TENM2: variants seen among roughly 807,000 people sequenced by gnomAD.
TENM2 encodes teneurin transmembrane protein 2.
In TENM2, 52 loss-of-function variants were observed where a neutral mutation model predicts 245.2. That is an observed-to-expected ratio of 0.21 (90% CI 0.17 to 0.27). The LOEUF (loss-of-function observed/expected upper bound fraction) is 0.27, where lower values mean the gene tolerates loss of function less well. Ranked by LOEUF, TENM2 falls within the 10% of genes least tolerant of loss-of-function variation. The pLI is 1.00. For synonymous variants in TENM2, 1,363 were observed against 1,438.9 expected (o/e 0.95, Z 1.19); for missense variants, 3,046 against 3,666.8 (o/e 0.83, Z 4.37).
At chr5:167,485,258 A>T (rs1767986209) in intron 2 of TENM2, among the ~76,000 whole-genome samples, 1 of 152,206 alleles carries the variant, frequency 6.6e-6, no homozygotes, top group Admixed American at 6.5e-5. Context: ...AGGCTCTAGA[A>T]GCCTCCAGAT....
At chr5:167,414,159 G>A (rs1451722760) in intron 2 of TENM2, among the ~76,000 whole-genome samples, 1 of 152,038 alleles carries the variant, frequency 6.6e-6, no homozygotes, top group Admixed American at 6.6e-5. Flanking sequence ...TTTTAACAGA[G>A]GAAAGATTCA....
chr5:167,221,520 G>T, the TENM2 span, among the ~76,000 whole-genome samples: 2 of 152,244 alleles, frequency 1.3e-5, no homozygotes, highest in South Asian at 4.2e-4. Flanking sequence ...TGACAGTTTA[G>T]TTTTTTTCTT....
At chr5:166,979,231 C>A in the TENM2 span, among the ~76,000 whole-genome samples, 6 of 151,896 alleles carry the variant, frequency 4.0e-5, no homozygotes, top group African/African-American at 1.5e-4. Context: ...GCAGCAGCAG[C>A]AGCAGCCGCC....
chr5:167,917,514 A>T (rs1777042747), intron 3 of TENM2, among the ~76,000 whole-genome samples: 1 of 152,156 alleles, frequency 6.6e-6, no homozygotes, highest in Non-Finnish European at 1.5e-5. Context: ...AGTAGGAGCA[A>T]GGGTACGTAA....
At chr5:168,086,746 C>T (rs552789270) in intron 7 of TENM2, among the ~76,000 whole-genome samples, 1 of 152,324 alleles carries the variant, frequency 6.6e-6, no homozygotes, top group Non-Finnish European at 1.5e-5. Flanking sequence ...ATCCCCATGT[C>T]CCGAATTGAT....
chr5:167,307,526 G>T (rs1755751269), intron 1 of TENM2, among the ~76,000 whole-genome samples: 1 of 152,024 alleles, frequency 6.6e-6, no homozygotes, highest in Non-Finnish European at 1.5e-5. Flanking sequence ...CAAACCTTTA[G>T]GGACCATCTG....
chr5:168,066,014 G>C (rs1207333115), intron 7 of TENM2, among the ~76,000 whole-genome samples: 1 of 152,116 alleles, frequency 6.6e-6, no homozygotes, highest in African/African-American at 2.4e-5. Flanking sequence ...GTGGATAGAG[G>C]CCAAGGATGC....
chr5:167,706,176 T>C (rs1758507279), intron 2 of TENM2, among the ~76,000 whole-genome samples: 1 of 146,082 alleles, frequency 6.8e-6, no homozygotes, highest in South Asian at 2.1e-4. Context: ...TACTATATAT[T>C]ATGCATAGTA....
intron 1 of TENM2, among the ~76,000 whole-genome samples, chr5:167,297,064 T>C (rs1484701548): frequency 6.6e-6 from 1 of 152,206 alleles, no homozygotes; most frequent in African/African-American, 2.4e-5. Flanking sequence ...ACCAAATCTT[T>C]ATATAAATAA....
At chr5:167,473,815 T>G (rs548150535) in intron 2 of TENM2, among the ~76,000 whole-genome samples, 11 of 152,000 alleles carry the variant, frequency 7.2e-5, no homozygotes, top group Admixed American at 2.6e-4. Flanking sequence ...TATGGATTGA[T>G]GTGAGAATTT....
chr5:167,884,735 T>C (rs1217335729), intron 3 of TENM2, among the ~76,000 whole-genome samples: 2 of 152,230 alleles, frequency 1.3e-5, no homozygotes, highest in African/African-American at 2.4e-5. Context: ...AAATAATTGT[T>C]TGAGCACTTG....
chr5:167,420,748 T>C (rs1192860477), intron 2 of TENM2, among the ~76,000 whole-genome samples: 1 of 152,178 alleles, frequency 6.6e-6, no homozygotes, highest in African/African-American at 2.4e-5. Flanking sequence ...CATCATTCTC[T>C]ACTATAGAAT....
At chr5:166,998,236 G>A in the TENM2 span, among the ~76,000 whole-genome samples, 7 of 152,148 alleles carry the variant, frequency 4.6e-5, no homozygotes, top group African/African-American at 9.7e-5. Flanking sequence ...GAGAGGAAGC[G>A]AGTCCATGAT....
At chr5:167,569,250 T>C (rs990312848) in intron 2 of TENM2, among the ~76,000 whole-genome samples, 1 of 152,072 alleles carries the variant, frequency 6.6e-6, no homozygotes. Flanking sequence ...AAAGTGTTGC[T>C]GAATTTAAAT....
intron 2 of TENM2, among the ~76,000 whole-genome samples, chr5:167,861,762 A>T (rs542356384): frequency 6.6e-6 from 1 of 152,206 alleles, no homozygotes; most frequent in Non-Finnish European, 1.5e-5. Context: ...GTGGAAGACT[A>T]TTTGTATCTC....
chr5:167,301,229 A>C (rs975708455), intron 1 of TENM2, among the ~76,000 whole-genome samples: 4 of 152,172 alleles, frequency 2.6e-5, no homozygotes, highest in African/African-American at 7.2e-5. Context: ...CTGGGAGTGG[A>C]TGCCAGGTGA....
intron 4 of TENM2, among the ~76,000 whole-genome samples, chr5:167,960,189 A>G (rs979195760): frequency 2.6e-5 from 4 of 152,172 alleles, no homozygotes; most frequent in African/African-American, 9.7e-5. Flanking sequence ...CTACTTGAGG[A>G]GGCAGTCTTT....
intron 27 of TENM2, among the ~76,000 whole-genome samples, chr5:168,259,587 CAA>C (rs1039178650): frequency 6.7e-6 from 1 of 150,352 alleles, no homozygotes; most frequent in Non-Finnish European, 1.5e-5. Flanking sequence ...GACTCCATCT[CAA>C]AAAAAAAGAG....
At chr5:167,807,004 C>T (rs749582523) in intron 2 of TENM2, among the ~76,000 whole-genome samples, 15 of 151,558 alleles carry the variant, frequency 9.9e-5, no homozygotes, top group Non-Finnish European at 1.9e-4. Flanking sequence ...TAATTGACTA[C>T]CCTTGTGGCT....
Sources: allele counts gnomAD v4.1 joint callset (sites outside exome capture counted in the v4.1 genomes callset), GRCh38; gene constraint gnomAD v4.1.1; transcripts MANE v1.5; gene names NCBI Gene and HGNC (gene_info 2026-07-23, HGNC 2026-07-21).